Variants in TBCK observed in about 807,000 individuals in gnomAD.
TBCK encodes TBC domain-containing protein kinase-like protein.
Under a neutral mutation model 113.4 loss-of-function variants are expected in TBCK, and 99 were observed. That is an observed-to-expected ratio of 0.87 (90% confidence interval 0.74 to 1.03). The LOEUF (loss-of-function observed/expected upper bound fraction) is 1.03, where lower values mean the gene tolerates loss of function less well. TBCK is among the 50% of genes least tolerant of loss of function. The probability of loss-of-function intolerance (pLI) is 0.00; values close to 1 mark genes in which losing one functional copy is unlikely to be tolerated. For missense variants in TBCK, 1,045 were observed against 1,061.3 expected, an observed-to-expected ratio of 0.98 and a Z score of 0.21; for synonymous variants, 369 against 370.8, an observed-to-expected ratio of 1.00 and a Z score of 0.05.
In TBCK at chr4:106,235,346, G is replaced by C; in HGVS notation, c.1372C>G (p.Gln458Glu). 6.2e-7 allele frequency: 1 copy of C among 1,608,304 alleles called. No individual in the cohort carries two copies. Among genetic ancestry groups the C allele is most frequent in the Non-Finnish European group, 8.5e-7 (1 of 1,177,374 alleles). Residue 458 changes from glutamine (Q) to glutamate (E), a missense_variant, in exon 15 of 26, where the codon CAA becomes GAA. Transcript: ENST00000394708. ...TCAACTCTTGCTTCTTTCCAGATTT[G>C]GTTTTTTTTATATGGATAAGCCTAT... ...LLKAYPYKKN[Q>E]IWKEARVDIP...
At chr4:106,291,290 A>T (rs1303432224) in intron 3 of TBCK, among the ~76,000 whole-genome samples, 1 of 152,228 alleles carries the variant, frequency 6.6e-6, no homozygotes, top group East Asian at 1.9e-4. Context: ...ACCCCTAGTC[A>T]CAATGAGTAA....
intron 23 of TBCK, among the ~76,000 whole-genome samples, chr4:106,144,882 G>A (rs1747581641): frequency 1.3e-5 from 2 of 151,974 alleles, no homozygotes; most frequent in South Asian, 4.2e-4. Context: ...AATTAGCCAG[G>A]CATGGTGGTA....
At chr4:106,257,356 A>T (rs1270990293) in intron 5 of TBCK, among the ~76,000 whole-genome samples, 1 of 152,170 alleles carries the variant, frequency 6.6e-6, no homozygotes, top group Non-Finnish European at 1.5e-5. Flanking sequence ...GTATTTAAAT[A>T]TATGTATCAT....
intron 19 of TBCK, among the ~76,000 whole-genome samples, chr4:106,228,017 C>T (rs1758425778): frequency 6.6e-6 from 1 of 151,960 alleles, no homozygotes; most frequent in African/African-American, 2.4e-5. Context: ...ATGTTACCTA[C>T]ACAACTTAAA....
intron 7 of TBCK, 29 bp downstream of exon 7, chr4:106,250,389 T>A (rs1215761097): frequency 7.0e-7 from 1 of 1,424,646 alleles, no homozygotes; most frequent in African/African-American, 1.4e-5. Context: ...TATTTATATT[T>A]GAAAGATAAG....
chr4:106,308,930 C>T lies in TBCK; in HGVS notation c.31G>A (p.Ala11Thr). 1.2e-6 allele frequency: 2 copies of T among 1,614,072 alleles called. No homozygotes were observed. The highest frequency in any genetic ancestry group is 1.7e-6 in the Non-Finnish European group (2 of 1,179,996). The change falls in exon 2 of 26, where the codon GCC becomes ACC. Residue 11 changes from alanine (A) to threonine (T), a missense_variant. Coordinates refer to ENST00000394708, the MANE Select transcript of TBCK (RefSeq NM_001163435.3). Reference sequence around the variant, plus strand: ...AGAGCCGAGGCAAAGAAGGTAAAGGCTCCCATTTCAGCGTCCTTCAGGGGA... The same window carrying T: ...AGAGCCGAGGCAAAGAAGGTAAAGGTTCCCATTTCAGCGTCCTTCAGGGGA... MFPLKDAEMG[A>T]FTFFASALPH...
At chr4:106,217,102 G>A (rs1374433946) in intron 19 of TBCK, among the ~76,000 whole-genome samples, 7 of 150,916 alleles carry the variant, frequency 4.6e-5, no homozygotes, top group South Asian at 2.1e-4. Context: ...TATAAACAGA[G>A]CCAAAGACAA....
intron 3 of TBCK, among the ~76,000 whole-genome samples, chr4:106,290,587 A>C (rs1397983758): frequency 6.6e-6 from 1 of 152,222 alleles, no homozygotes; most frequent in Admixed American, 6.5e-5. Context: ...TACATATAAA[A>C]GTTATTTTTC....
At chr4:106,252,036 A>G (rs770585730) in intron 5 of TBCK, 29 bp from the exon 6 acceptor site, 4 of 1,560,402 alleles carry the variant, frequency 2.6e-6, no homozygotes, top group Admixed American at 3.7e-5. Flanking sequence ...ATAATGAAAA[A>G]TTACAACAGG....
chr4:106,149,515 T>C (rs148127121), intron 23 of TBCK, among the ~76,000 whole-genome samples: 3 of 152,074 alleles, frequency 2.0e-5, no homozygotes, highest in Non-Finnish European at 4.4e-5. Flanking sequence ...GGGAGACACA[T>C]GAAGAGGGAG....
intron 18 of TBCK, 59 bp from the exon 19 acceptor site, chr4:106,230,505 A>T: frequency 1.0e-6 from 1 of 953,190 alleles, no homozygotes; most frequent in Admixed American, 1.9e-5. Flanking sequence ...GATGACCATC[A>T]GTAATGCATT....
At chr4:106,287,514 G>C (rs1222201848) in intron 3 of TBCK, among the ~76,000 whole-genome samples, 1 of 152,190 alleles carries the variant, frequency 6.6e-6, no homozygotes, top group Non-Finnish European at 1.5e-5. Context: ...ACAGAATACA[G>C]TTAATGGCTG....
intron 25 of TBCK, among the ~76,000 whole-genome samples, chr4:106,071,691 A>G (rs1737474183): frequency 6.6e-6 from 1 of 152,166 alleles, no homozygotes; most frequent in Non-Finnish European, 1.5e-5. Flanking sequence ...TCATACTGAC[A>G]GTGGGATGTT....
chr4:106,065,985 T>C (rs1225465914), intron 25 of TBCK, among the ~76,000 whole-genome samples: 6 of 151,930 alleles, frequency 3.9e-5, no homozygotes, highest in African/African-American at 2.4e-5. Flanking sequence ...CAAATACAAA[T>C]ACAAAAGGGG....
chr4:106,234,200 T>A (rs1454619748), intron 15 of TBCK, among the ~76,000 whole-genome samples: 1 of 152,122 alleles, frequency 6.6e-6, no homozygotes, highest in Non-Finnish European at 1.5e-5. Flanking sequence ...TATCGGCTAT[T>A]ATCAACTTCT....
At chr4:106,190,298 C>T (rs1753518083) in intron 22 of TBCK, among the ~76,000 whole-genome samples, 1 of 152,126 alleles carries the variant, frequency 6.6e-6, no homozygotes, top group Non-Finnish European at 1.5e-5. Context: ...CTCTAAAATA[C>T]TTTAAAAACT....
In TBCK at chr4:106,138,899, A is replaced by G. The variant is rs759595463; in HGVS notation, c.2236-22521T>C. Among the ~76,000 whole-genome samples, 28 of 140,964 alleles carry G rather than the reference A, an allele frequency of 2.0e-4. 5 individuals carry two copies. Among genetic ancestry groups the G allele is most frequent in the South Asian group, 7.3e-4 (3 of 4,132 alleles). The allele number at this position is 140,964 out of a possible 152,430, so 92.5% of individuals were successfully genotyped here. On this transcript the variant is annotated intron_variant, in intron 23 of 25. Coordinates refer to ENST00000394708, the MANE Select transcript of TBCK (RefSeq NM_001163435.3). The stretch of plus-strand genomic sequence containing the variant: ...ACAGCACCGTTATGGTCAAGTTTCA[A>G]TGGCAATACTGATCTGGAGTTTCAG...
rs749588240 is a variant in TBCK, at chr4:106,251,875, C to G, written c.588G>C (p.Glu196Asp). 2 of 1,598,994 alleles carry G rather than the reference C, an allele frequency of 1.3e-6. No homozygotes were observed. The highest frequency in any genetic ancestry group is 3.4e-5 in the Admixed American group (2 of 58,168). Residue 196 changes from glutamate (E) to aspartate (D), a missense_variant, in exon 6 of 26, where the codon GAG becomes GAC. Glu to Asp is a conservative substitution (Grantham distance 45, BLOSUM62 2). Coordinates refer to ENST00000394708, the MANE Select transcript of TBCK (RefSeq NM_001163435.3). ...DVWSLGIILF[E>D]LCVGRKLFQS... is the part of the protein sequence containing the mutation. Reference sequence around the variant, plus strand: ...ATTTCTTTATACATACCACACAAAGCTCAAATAAAATGATTCCAAGAGACC... The same window carrying G: ...ATTTCTTTATACATACCACACAAAGGTCAAATAAAATGATTCCAAGAGACC...
intron 3 of TBCK, among the ~76,000 whole-genome samples, chr4:106,267,649 C>T (rs754876633): frequency 2.0e-4 from 31 of 151,906 alleles, no homozygotes; most frequent in Admixed American, 5.9e-4. Context: ...AAAACACTAT[C>T]ACCACCACCA....
Sources: gnomAD v4.1 joint callset for allele counts (sites outside exome capture counted in the v4.1 genomes callset) on GRCh38, gnomAD v4.1.1 for gene constraint, MANE v1.5 for transcripts, NCBI Gene and HGNC (gene_info 2026-07-23, HGNC 2026-07-21) for gene names.